Variants in XRN1 observed in about 807,000 individuals in gnomAD.
XRN1 encodes 5'-3' exoribonuclease 1.
In XRN1, 67 loss-of-function variants were observed where a neutral mutation model predicts 222.3. That is an observed-to-expected ratio of 0.30 (90% confidence interval 0.25 to 0.37). The LOEUF is 0.37. Among genes scored for constraint, XRN1 ranks in the 10% least tolerant of loss-of-function variants. The probability of loss-of-function intolerance (pLI) is 1.00; values close to 1 mark genes in which losing one functional copy is unlikely to be tolerated. For synonymous variants in XRN1, 643 were observed against 652.4 expected (o/e 0.99, Z 0.22); for missense variants, 1,707 against 2,000.2 (o/e 0.85, Z 2.80).
In XRN1 at chr3:142,332,840, A is replaced by C. The variant is rs1210182214; in HGVS notation, c.4062+127T>G. The C allele has an allele frequency of 1.1e-5, 15 of 1,397,616 alleles. No homozygotes were observed. The East Asian group carries it at 1.2e-4, about 11-fold the overall frequency. 86.6% of individuals were successfully genotyped at this position (1,397,616 alleles called of 1,614,324 possible). ...CCCAGGGCAGCCTGGTTTCCTCACA[A>C]GATGACAATAATGATGTAACATACC... On this transcript the variant is annotated intron_variant, in intron 35 of 40. Coordinates refer to ENST00000392981, the MANE Select transcript of XRN1 (RefSeq NM_001282857.2).
At chr3:142,325,689 T>C (rs2065496071) in intron 37 of XRN1, among the ~76,000 whole-genome samples, 1 of 152,200 alleles carries the variant, frequency 6.6e-6, no homozygotes, top group South Asian at 2.1e-4. Context: ...ATACCGTTTA[T>C]GCATTTTTGC....
intron 33 of XRN1, among the ~76,000 whole-genome samples, chr3:142,343,933 A>G (rs953877817): frequency 5.3e-5 from 8 of 152,210 alleles, no homozygotes; most frequent in Non-Finnish European, 1.2e-4. Flanking sequence ...TGTCATTTGC[A>G]ACAACATGGA....
intron 1 of XRN1, among the ~76,000 whole-genome samples, chr3:142,445,500 G>C (rs1398162215): frequency 6.6e-6 from 1 of 152,138 alleles, no homozygotes; most frequent in Admixed American, 6.5e-5. Flanking sequence ...CTTTTAGAAT[G>C]AGTAGAGGTT....
chr3:142,439,750 TA>T (rs71153966), intron 1 of XRN1, among the ~76,000 whole-genome samples: 73 of 147,048 alleles, frequency 5.0e-4, no homozygotes, highest in Non-Finnish European at 3.9e-4. Flanking sequence ...CAAACGGGAT[TA>T]AAAAAAAAAA....
chr3:142,400,073 C>G (rs368740277), intron 19 of XRN1, among the ~76,000 whole-genome samples: 7 of 151,940 alleles, frequency 4.6e-5, no homozygotes, highest in African/African-American at 1.7e-4. Flanking sequence ...AATTAATGTA[C>G]AATTTAAATG....
At position 142,347,281 on chromosome 3, in the gene XRN1, T is replaced by C. The variant is rs1382701219; in HGVS notation, c.3830A>G (p.Asp1277Gly). The C allele has an allele frequency of 3.1e-6, 5 of 1,608,788 alleles. No individual in the cohort carries two copies. The South Asian group carries it at 5.6e-5, about 18-fold the overall frequency. ...TCTTTGCTGATATTTAACACTGTTG[T>C]CATTAAAGCCAGATTTATGATGTTG... is the stretch of plus-strand genomic sequence containing the variant. ...VNQHHKSGFN[D>G]NSVKYQQRKH... The change falls in exon 33 of 41, where the codon GAC becomes GGC. Residue 1277 changes from aspartate (D) to glycine (G), a missense_variant. Physicochemically the swap from Asp to Gly is moderately conservative, Grantham distance 94. Around this residue, in one of 2 missense-constraint regions of XRN1, gnomAD observed 1,234 missense variants for 1,518.2 expected, o/e 0.81. Coordinates refer to ENST00000392981, the MANE Select transcript of XRN1 (RefSeq NM_001282857.2).
At chr3:142,363,117 G>C (rs999640141) in intron 29 of XRN1, among the ~76,000 whole-genome samples, 2 of 151,866 alleles carry the variant, frequency 1.3e-5, no homozygotes, top group African/African-American at 2.4e-5. Context: ...TTAAGATATC[G>C]TTACCGAATT....
chr3:142,386,926 T>C (rs1255525402), intron 20 of XRN1, among the ~76,000 whole-genome samples: 1 of 152,134 alleles, frequency 6.6e-6, no homozygotes, highest in Admixed American at 6.5e-5. Context: ...TTTTTGGTAG[T>C]ATCTGTTCAA....
At chr3:142,360,800 G>A (rs2066601091) in intron 29 of XRN1, among the ~76,000 whole-genome samples, 1 of 150,664 alleles carries the variant, frequency 6.6e-6, no homozygotes, top group African/African-American at 2.4e-5. Flanking sequence ...CATGAACTCG[G>A]GAGGTGGAGC....
At chr3:142,368,441 A>C (rs1012124271) in intron 27 of XRN1, among the ~76,000 whole-genome samples, 1 of 152,100 alleles carries the variant, frequency 6.6e-6, no homozygotes, top group Non-Finnish European at 1.5e-5. Context: ...GAGCCACTGC[A>C]CTCAGCCTAT....
At chr3:142,417,289 G>T in intron 12 of XRN1, 60 bp from the exon 13 acceptor site, 1 of 1,367,718 alleles carries the variant, frequency 7.3e-7, no homozygotes, top group Non-Finnish European at 1.0e-6. Context: ...TGTCTTTAGA[G>T]CACGGTATCT....
rs2068625673 is a variant in XRN1 at position 142,412,541 on chromosome 3, G to A, written c.1713+3C>T. On this transcript the variant is annotated splice_donor_region_variant and intron_variant, in intron 15 of 40. Transcript: ENST00000392981. ...GTATGTAATGATTATTTCATGCACT[G>A]ACCTCATCAATAAAAGGGATTAACA... 2 of 1,599,782 alleles carry A rather than the reference G, an allele frequency of 1.3e-6. No homozygotes were observed. The highest frequency in any genetic ancestry group is 8.5e-7 in the Non-Finnish European group (1 of 1,170,804).
At chr3:142,435,094 A>C (rs2069815863) in intron 1 of XRN1, 1 of 152,174 alleles carries the variant, frequency 6.6e-6, no homozygotes, top group Non-Finnish European at 1.5e-5. Context: ...AATGTTTGCA[A>C]ATTAGAAGTC....
intron 1 of XRN1, among the ~76,000 whole-genome samples, chr3:142,434,388 T>G (rs1388164136): frequency 6.6e-6 from 1 of 152,130 alleles, no homozygotes; most frequent in East Asian, 1.9e-4. Flanking sequence ...CAGGTTGGTC[T>G]TGAATTCCCG....
chr3:142,387,805 G>T (rs2067563680), intron 20 of XRN1, among the ~76,000 whole-genome samples: 2 of 152,122 alleles, frequency 1.3e-5, no homozygotes, highest in Admixed American at 1.3e-4. Context: ...TCCTTGCAAT[G>T]AGGAGGATAC....
chr3:142,361,889 G>A (rs906567859), intron 29 of XRN1, among the ~76,000 whole-genome samples: 1 of 131,644 alleles, frequency 7.6e-6, no homozygotes, highest in African/African-American at 2.7e-5. Context: ...GTCTTTTGAA[G>A]AGAGTTTTTT....
At chr3:142,383,482 T>C in intron 21 of XRN1, 69 bp from the exon 22 acceptor site, 1 of 1,311,406 alleles carries the variant, frequency 7.6e-7, no homozygotes, top group Non-Finnish European at 1.1e-6. Flanking sequence ...TTTTTTCCTA[T>C]GGGATTATGA....
At chr3:142,431,661 A>G (rs2069532779) in intron 2 of XRN1, among the ~76,000 whole-genome samples, 2 of 150,000 alleles carry the variant, frequency 1.3e-5, no homozygotes, top group Admixed American at 6.7e-5. Flanking sequence ...TACTAAAAAT[A>G]CAAAAATTAG....
chr3:142,381,889 A>G (rs2067318009), intron 22 of XRN1, among the ~76,000 whole-genome samples: 2 of 152,104 alleles, frequency 1.3e-5, no homozygotes, highest in Admixed American at 6.5e-5. Context: ...TGAAGAATAT[A>G]TAATTTGTCC....
Sources: allele counts gnomAD v4.1 joint callset (sites outside exome capture counted in the v4.1 genomes callset), GRCh38; gene constraint gnomAD v4.1.1; regional missense constraint gnomAD v4.1.1; transcripts MANE v1.5; gene names NCBI Gene and HGNC (gene_info 2026-07-23, HGNC 2026-07-21).